Variants in KCNH1 observed in about 807,000 individuals in gnomAD.
KCNH1 encodes the protein voltage-gated delayed rectifier potassium channel KCNH1.
Under a neutral mutation model 69.2 loss-of-function variants are expected in KCNH1, and 27 were observed. The ratio of observed to expected loss-of-function variants is 0.39; its 90% confidence interval spans 0.29 to 0.54. KCNH1 has a LOEUF of 0.54. Ranked by LOEUF, KCNH1 falls within the 20% of genes least tolerant of loss-of-function variation. The probability of loss-of-function intolerance (pLI) is 0.68; values close to 1 mark genes in which losing one functional copy is unlikely to be tolerated. For missense variants in KCNH1, 798 were observed against 1,261.6 expected, an observed-to-expected ratio of 0.63 and a Z score of 5.57; for synonymous variants, 456 against 487.7, an observed-to-expected ratio of 0.93 and a Z score of 0.86.
intron 1 of KCNH1, among the ~76,000 whole-genome samples, chr1:211,114,495 C>T (rs1224235655): frequency 1.3e-5 from 2 of 152,140 alleles, no homozygotes; most frequent in Admixed American, 6.5e-5. Flanking sequence ...AATTTGCCAG[C>T]GTGCCTCTAG....
intron 9 of KCNH1, among the ~76,000 whole-genome samples, chr1:210,792,659 C>T (rs930849948): frequency 6.6e-6 from 1 of 150,456 alleles, no homozygotes; most frequent in African/African-American, 2.5e-5. Context: ...TGCAGCCTGG[C>T]CAAAATACTT....
chr1:210,928,451 C>A (rs2102572527), intron 6 of KCNH1, among the ~76,000 whole-genome samples: 1 of 152,218 alleles, frequency 6.6e-6, no homozygotes, highest in Middle Eastern at 3.4e-3. Flanking sequence ...ATTAAATAAC[C>A]TACTCCAGAA....
In KCNH1 at chr1:211,040,190, C is replaced by CAA. The variant is rs35260257; in HGVS notation, c.559-20936_559-20935dup. Among the ~76,000 whole-genome samples, 528 of 108,492 alleles carry CAA rather than the reference C, an allele frequency of 4.9e-3. 4 individuals carry two copies. Among genetic ancestry groups the CAA allele is most frequent in the Middle Eastern group, 0.02 (4 of 204 alleles). 71.2% of individuals were successfully genotyped at this position (108,492 alleles called of 152,430 possible). ...TGGGCAACAGAGCAAGACTCCGTCT[C>CAA]AAAAAAAAAAAAAAAAAGACTTCGG... On this transcript the variant is annotated intron_variant, in intron 5 of 10. Transcript: ENST00000271751.
At chr1:211,033,866 T>TA (rs1201359772) in intron 5 of KCNH1, among the ~76,000 whole-genome samples, 1 of 151,940 alleles carries the variant, frequency 6.6e-6, no homozygotes, top group Non-Finnish European at 1.5e-5. Flanking sequence ...TATACATATG[T>TA]AACAAACCTG....
chr1:210,996,345 C>T (rs567977825), intron 6 of KCNH1, among the ~76,000 whole-genome samples: 3 of 152,212 alleles, frequency 2.0e-5, no homozygotes, highest in Non-Finnish European at 4.4e-5. Context: ...TATCCGGCAC[C>T]TGGTTCGGAG....
intron 7 of KCNH1, among the ~76,000 whole-genome samples, chr1:210,881,537 T>G (rs1349796330): frequency 6.6e-6 from 1 of 152,190 alleles, no homozygotes; most frequent in African/African-American, 2.4e-5. Context: ...ATCATACTAC[T>G]TACTCAAATG....
At chr1:211,095,837 G>C (rs1425201408) in intron 3 of KCNH1, among the ~76,000 whole-genome samples, 2 of 152,182 alleles carry the variant, frequency 1.3e-5, no homozygotes, top group Non-Finnish European at 2.9e-5. Flanking sequence ...GCACCAGAGG[G>C]ATGTAATGGC....
intron 10 of KCNH1, among the ~76,000 whole-genome samples, chr1:210,759,554 C>T (rs182045174): frequency 1.5e-4 from 23 of 152,016 alleles, no homozygotes; most frequent in Middle Eastern, 3.4e-3. Flanking sequence ...CTAGACCAAG[C>T]AGAAGAAAGT....
At chr1:210,826,976 T>A (rs559091353) in intron 7 of KCNH1, among the ~76,000 whole-genome samples, 1 of 152,360 alleles carries the variant, frequency 6.6e-6, no homozygotes, top group African/African-American at 2.4e-5. Flanking sequence ...AGCCCTAGTT[T>A]CTTAAACCTG....
chr1:211,066,854 T>C (rs769885202), intron 5 of KCNH1, among the ~76,000 whole-genome samples: 1 of 152,228 alleles, frequency 6.6e-6, no homozygotes, highest in Non-Finnish European at 1.5e-5. Flanking sequence ...ATTTACCAGA[T>C]GTACCATCTA....
chr1:210,762,983 T>C (rs1261538905), intron 10 of KCNH1, among the ~76,000 whole-genome samples: 1 of 152,156 alleles, frequency 6.6e-6, no homozygotes, highest in East Asian at 1.9e-4. Flanking sequence ...AGCAAAATAC[T>C]AGGAAACTAA....
At chr1:211,052,500 C>G (rs1277539822) in intron 5 of KCNH1, among the ~76,000 whole-genome samples, 3 of 152,206 alleles carry the variant, frequency 2.0e-5, no homozygotes, top group Admixed American at 2.0e-4. Flanking sequence ...ACTTTCTTCT[C>G]CAAAGCCACA....
At chr1:211,042,707 C>A (rs1308392775) in intron 5 of KCNH1, among the ~76,000 whole-genome samples, 3 of 152,082 alleles carry the variant, frequency 2.0e-5, no homozygotes, top group Non-Finnish European at 4.4e-5. Flanking sequence ...CAAGATAGAC[C>A]ATATGATAGG....
At chr1:210,997,280 TG>T (rs1558560295) in intron 6 of KCNH1, among the ~76,000 whole-genome samples, 1 of 151,780 alleles carries the variant, frequency 6.6e-6, no homozygotes, top group African/African-American at 2.4e-5. Flanking sequence ...ATTAGACGAA[TG>T]GAAAACTAGA....
chr1:210,878,614 T>G (rs1255079806), intron 7 of KCNH1, among the ~76,000 whole-genome samples: 1 of 151,726 alleles, frequency 6.6e-6, no homozygotes, highest in Non-Finnish European at 1.5e-5. Context: ...ACATCAAAAT[T>G]TGTGGGATGC....
chr1:211,016,018 C>A (rs957016449), intron 6 of KCNH1, among the ~76,000 whole-genome samples: 1 of 152,158 alleles, frequency 6.6e-6, no homozygotes, highest in Non-Finnish European at 1.5e-5. Context: ...ATTCTAAGCC[C>A]TTTACCAATG....
At chr1:211,007,882 G>A (rs1175791051) in intron 6 of KCNH1, among the ~76,000 whole-genome samples, 2 of 151,854 alleles carry the variant, frequency 1.3e-5, no homozygotes, top group Non-Finnish European at 2.9e-5. Context: ...CCATTAAGAT[G>A]GCTATATACA....
At chr1:210,735,421 AGTGTGTGT>A (rs71146244) in intron 10 of KCNH1, among the ~76,000 whole-genome samples, 23,868 of 131,766 alleles carry the variant, frequency 0.18, 1,954 homozygotes, top group African/African-American at 0.2. Context: ...TGAGTGAGTG[AGTGTGTGT>A]GTGTGTGTGT....
At chr1:210,721,482 AT>A (rs1281592422) in intron 10 of KCNH1, among the ~76,000 whole-genome samples, 1 of 152,216 alleles carries the variant, frequency 6.6e-6, no homozygotes, top group African/African-American at 2.4e-5. Context: ...TGTTTTTAGA[AT>A]AATGAGATCT....
Sources: gnomAD v4.1 joint callset for allele counts (sites outside exome capture counted in the v4.1 genomes callset) on GRCh38, gnomAD v4.1.1 for gene constraint, MANE v1.5 for transcripts, NCBI Gene and HGNC (gene_info 2026-07-23, HGNC 2026-07-21) for gene names.